The following VILL variants were observed in gnomAD, a reference collection of about 807,000 sequenced individuals.
VILL encodes the protein villin like, also known as villin-like protein.
In VILL, 102 loss-of-function variants were observed where a neutral mutation model predicts 106.3. The ratio of observed to expected loss-of-function variants is 0.96; its 90% confidence interval spans 0.82 to 1.13. The LOEUF is 1.13. Ranked by LOEUF, VILL falls within the 50% of genes most tolerant of loss-of-function variation. The pLI is 0.00. For missense variants in VILL, 1,076 were observed against 1,116.6 expected (o/e 0.96, Z 0.52); for synonymous variants, 431 against 440.3 (o/e 0.98, Z 0.27).
Position 37,994,457 on chromosome 3 carries a change from C to G in VILL, c.332C>G (p.Pro111Arg). The G allele has an allele frequency of 6.2e-7, 1 of 1,612,230 alleles. No homozygotes were observed. The highest frequency in any genetic ancestry group is 8.5e-7 in the Non-Finnish European group (1 of 1,179,728). The stretch of plus-strand genomic sequence containing the variant: ...GACTGCTTCTGCAGCTACTTCCGCC[C>G]GGGAATCATGTGAGTGCGGGGGCGA... The part of the protein sequence containing the change: ...ESDCFCSYFR[P>R]GIIYRKGGLA... Residue 111 changes from proline (P) to arginine (R), a missense_variant, in exon 4 of 20, where the codon CCG (proline) becomes CGG (arginine). Coordinates refer to ENST00000383759, the MANE Select transcript of VILL (RefSeq NM_015873.4).
At chr3:38,002,096 G>C in intron 13 of VILL, 1 of 707,148 alleles carries the variant, frequency 1.4e-6, no homozygotes, top group South Asian at 1.9e-5. Flanking sequence ...GGGCTTGCCT[G>C]GGGCTGCACA....
intron 16 of VILL, among the ~76,000 whole-genome samples, chr3:38,005,450 A>AT (rs1458824991): frequency 6.6e-6 from 1 of 151,994 alleles, no homozygotes; most frequent in Non-Finnish European, 1.5e-5. Flanking sequence ...AAGGGCAGGG[A>AT]TTTTTGTCCA....
chr3:38,005,843 T>C lies in VILL; in HGVS notation c.2002T>C (p.Trp668Arg), dbSNP rs1191990775. The change falls in exon 17 of 20, where the codon TGG becomes CGG. Residue 668 changes from tryptophan (W) to arginine (R), a missense_variant. Trp to Arg is a moderately radical substitution (Grantham distance 101). Coordinates refer to ENST00000383759, the MANE Select transcript of VILL (RefSeq NM_015873.4). ...AASEWKEAVA[W>R]GQEYLKTHPA... ...AAGTGAGTGGAAGGAGGCGGTGGCC[T>C]GGGGCCAGGAGTACCTGAAGACTCA... 9.3e-6 allele frequency: 15 copies of C among 1,613,806 alleles called. No homozygotes were observed. The highest frequency in any genetic ancestry group is 2.7e-5 in the African/African-American group (2 of 74,914).
At chr3:38,004,097 C>A in intron 15 of VILL, 158 bp from the exon 16 acceptor site, 1 of 920,294 alleles carries the variant, frequency 1.1e-6, no homozygotes, top group Non-Finnish European at 1.6e-6. Context: ...GTACCCAGAG[C>A]AGAGCGGAGT....
rs370937155 is a variant in VILL, at chr3:37,999,310, G to T, written c.1082-29G>T. On this transcript the variant is annotated intron_variant, in intron 10 of 19. Coordinates refer to ENST00000383759, the MANE Select transcript of VILL (RefSeq NM_015873.4). ...ATGGTGTTGGGGGGGGGCAGAGGGC[G>T]CCACTGACGCCTACTGTCCCCCCTT... 68 of 1,474,930 alleles carry T rather than the reference G, an allele frequency of 4.6e-5. No individual in the cohort carries two copies. In the African/African-American group the frequency reaches 6.7e-4, roughly 15 times the overall value. The allele number at this position is 1,474,930 out of a possible 1,614,324, so 91.4% of individuals were successfully genotyped here. A position where few individuals can be genotyped will look rare whatever the true frequency, so the allele number is the denominator to read the frequency against.
Position 37,998,406 on chromosome 3 carries a change from C to G in VILL, c.942+42C>G. 3.1e-6 allele frequency: 5 copies of G among 1,595,398 alleles called. No individual in the cohort carries two copies. Among genetic ancestry groups the G allele is most frequent in the Non-Finnish European group, 4.3e-6 (5 of 1,163,974 alleles). On this transcript the variant is annotated intron_variant, in intron 9 of 19. Coordinates refer to ENST00000383759, the MANE Select transcript of VILL (RefSeq NM_015873.4). This position sits in a 1 kb window ranked among gnomAD's most constrained non-coding sequence, Gnocchi z 4.1. ...TGTCTGAGAGGAACAGAGCACTGCC[C>G]TGGGGTCTGAGTGGGGAGGCAGCTC...
upstream of VILL, among the ~76,000 whole-genome samples, chr3:37,989,685 T>C (rs2125641133): frequency 6.6e-6 from 1 of 151,914 alleles, no homozygotes; most frequent in Middle Eastern, 3.4e-3. Flanking sequence ...GGGAAACGGG[T>C]ATGCACAGGT....
chr3:38,002,485 C>T lies in VILL; in HGVS notation c.1569C>T (p.Thr523=), dbSNP rs534902454. 8.1e-6 allele frequency: 13 copies of T among 1,614,156 alleles called. No individual in the cohort carries two copies. The South Asian group carries it at 1.3e-4, about 16-fold the overall frequency. ...VQGTDSHNTR[T]MEVPARASSL... ...GCACTGACAGCCACAACACCAGGAC[C>T]ATGGAGGTGCCAGCCCGTGCCTCAT... The change falls in exon 14 of 20, where the codon ACC becomes ACT. Residue 523 remains threonine, a synonymous_variant. Coordinates refer to ENST00000383759, the MANE Select transcript of VILL (RefSeq NM_015873.4).
At position 38,002,496 on chromosome 3, in the gene VILL, C is replaced by T. The variant is rs147219506; in HGVS notation, c.1580C>T (p.Pro527Leu). 2 of 1,614,104 alleles carry T rather than the reference C, an allele frequency of 1.2e-6. No homozygotes were observed. The highest frequency in any genetic ancestry group is 1.3e-5 in the African/African-American group (1 of 74,956). ...DSHNTRTMEV[P>L]ARASSLNSSD... ...CACAACACCAGGACCATGGAGGTGC[C>T]AGCCCGTGCCTCATCCCTCAACTCC... Residue 527 changes from proline (P) to leucine (L), a missense_variant, in exon 14 of 20, where the codon CCA becomes CTA. By Grantham distance (98) the Pro-to-Leu change is moderately conservative. Transcript: ENST00000383759.
In VILL at chr3:38,003,520, G is replaced by C. The variant is rs929872286; in HGVS notation, c.1805+207G>C. The C allele has an allele frequency of 1.4e-5, 9 of 636,330 alleles. No individual in the cohort carries two copies. In the African/African-American group the frequency reaches 1.7e-4, roughly 12 times the overall value. 39.4% of individuals were successfully genotyped at this position (636,330 alleles called of 1,614,324 possible). ...ACTTGCGTCTCTCAGATGCTGGGGA[G>C]AGTGGGGGCAGTGGCGACCTCTGCT... On this transcript the variant is annotated intron_variant, in intron 15 of 19. Coordinates refer to ENST00000383759, the MANE Select transcript of VILL (RefSeq NM_015873.4).
chr3:37,989,158 AG>A (rs1183970852), upstream of VILL, among the ~76,000 whole-genome samples: 1 of 152,130 alleles, frequency 6.6e-6, no homozygotes, highest in Non-Finnish European at 1.5e-5. Context: ...GAGAGAAATC[AG>A]GGCAACTCCA....
chr3:38,007,113 G>T lies in VILL; in HGVS notation c.*58G>T. ...GACCCCAACATACCTACAATGCTGG[G>T]GAGGCCCTGCTTCCACTCCCCTCAG... On this transcript the variant is annotated 3_prime_UTR_variant, in exon 20 of 20. Coordinates refer to ENST00000383759, the MANE Select transcript of VILL (RefSeq NM_015873.4). 7.0e-7 allele frequency: 1 copy of T among 1,435,922 alleles called. No individual in the cohort carries two copies. The highest frequency in any genetic ancestry group is 9.7e-7 in the Non-Finnish European group (1 of 1,026,406). 88.9% of individuals were successfully genotyped at this position (1,435,922 alleles called of 1,614,324 possible).
chr3:37,994,593 A>G (rs1254704167), intron 4 of VILL, 127 bp downstream of exon 4: 1 of 990,438 alleles, frequency 1.0e-6, no homozygotes, highest in Non-Finnish European at 1.5e-6. Flanking sequence ...TAACACCTTT[A>G]TTGAGATACA....
At position 38,001,819 on chromosome 3, in the gene VILL, C is replaced by A. The variant is rs759856414; in HGVS notation, c.1438C>A (p.His480Asn). 8.1e-6 allele frequency: 13 copies of A among 1,614,122 alleles called. No homozygotes were observed. Among genetic ancestry groups the A allele is most frequent in the African/African-American group, 4.0e-5 (3 of 74,932 alleles). Reference sequence around the variant, plus strand: ...TGTGACCATGGGCAGCGAGCCCCCCCACTTCCTCGCCATCTTCCAGGGCCA... The same window carrying A: ...TGTGACCATGGGCAGCGAGCCCCCCAACTTCCTCGCCATCTTCCAGGGCCA... ...EHVTMGSEPP[H>N]FLAIFQGQLV... The change falls in exon 13 of 20, where the codon CAC becomes AAC. Residue 480 changes from histidine (H) to asparagine (N), a missense_variant. Coordinates refer to ENST00000383759, the MANE Select transcript of VILL (RefSeq NM_015873.4).
At chr3:37,988,823 T>C (rs1412357508), upstream of VILL, among the ~76,000 whole-genome samples, 2 of 152,138 alleles carry the variant, frequency 1.3e-5, no homozygotes, top group Non-Finnish European at 2.9e-5. Context: ...GATCATGCCA[T>C]TGCACTCCAG....
At chr3:38,000,925 CT>C (rs1401105871) in intron 11 of VILL, 1 of 456,856 alleles carries the variant, frequency 2.2e-6, no homozygotes, top group African/African-American at 2.0e-5. Context: ...AACACAGGGC[CT>C]ACCTGGGATT....
rs1699722235 is a variant in VILL at position 37,997,391 on chromosome 3, A to G, written c.562-92A>G. 1.4e-6 allele frequency: 2 copies of G among 1,417,600 alleles called. No homozygotes were observed. The highest frequency in any genetic ancestry group is 1.9e-6 in the Non-Finnish European group (2 of 1,025,974). 87.8% of individuals were successfully genotyped at this position (1,417,600 alleles called of 1,614,324 possible). A position where few individuals can be genotyped will look rare whatever the true frequency, so the allele number is the denominator to read the frequency against. On this transcript the variant is annotated intron_variant, in intron 6 of 19. Transcript: ENST00000383759. This position sits in a 1 kb window ranked among gnomAD's most constrained non-coding sequence, Gnocchi z 4.7. Reference sequence around the variant, plus strand: ...TGAGGGGACATCAGCCCTTCTCCCCATCAGCCTCTGGGAGCTGAGCAGTGA... The same window carrying G: ...TGAGGGGACATCAGCCCTTCTCCCCGTCAGCCTCTGGGAGCTGAGCAGTGA...
intron 4 of VILL, 54 bp from the exon 5 acceptor site, chr3:37,995,685 T>A: frequency 3.5e-6 from 5 of 1,442,688 alleles, no homozygotes; most frequent in Non-Finnish European, 4.9e-6. Flanking sequence ...CACATGGCAG[T>A]CTGTGTTCTT....
In VILL at chr3:38,002,349, G is replaced by T. The variant is rs373072814; in HGVS notation, c.1480-47G>T. 13 of 1,539,586 alleles carry T rather than the reference G, an allele frequency of 8.4e-6. No homozygotes were observed. In the South Asian group the frequency reaches 1.5e-4, roughly 18 times the overall value. The stretch of plus-strand genomic sequence containing the variant: ...ATATGTCCCACACTGGGACAGGAAG[G>T]CGCCCCTGGGAGCCCTTGCCCAGCC... On this transcript the variant is annotated intron_variant, in intron 13 of 19. Coordinates refer to ENST00000383759, the MANE Select transcript of VILL (RefSeq NM_015873.4).
Sources: gnomAD v4.1 joint callset for allele counts (sites outside exome capture counted in the v4.1 genomes callset) on GRCh38, gnomAD v4.1.1 for gene constraint, Gnocchi (gnomAD v3.1) non-coding constraint, MANE v1.5 for transcripts, NCBI Gene and HGNC (gene_info 2026-07-23, HGNC 2026-07-21) for gene names.